The following GRID2 variants were observed in gnomAD, a reference collection of about 807,000 sequenced individuals.
The protein encoded by GRID2 is glutamate ionotropic receptor delta type subunit 2, also known as glutamate receptor ionotropic, delta-2.
Under a neutral mutation model 114.8 loss-of-function variants are expected in GRID2, and 33 were observed. That is an observed-to-expected ratio of 0.29 (90% CI 0.22 to 0.38). The LOEUF is 0.38. Ranked by LOEUF, GRID2 falls within the 10% of genes least tolerant of loss-of-function variation. GRID2 has a pLI of 1.00. For missense variants in GRID2, 1,184 were observed against 1,257.7 expected (o/e 0.94, Z 0.89); for synonymous variants, 505 against 449.9 (o/e 1.12, Z -1.55).
chr4:92,411,643 G>C (rs1560613809), intron 1 of GRID2, among the ~76,000 whole-genome samples: 1 of 95,546 alleles, frequency 1.0e-5, no homozygotes, highest in Admixed American at 9.6e-5. Flanking sequence ...GTGTGTGTGT[G>C]TGTGTGTGTG....
chr4:92,967,649 T>C (rs984715457), intron 2 of GRID2, among the ~76,000 whole-genome samples: 2 of 151,960 alleles, frequency 1.3e-5, no homozygotes, highest in African/African-American at 4.8e-5. Flanking sequence ...AAATTCAAAT[T>C]CAACTGTGAT....
At chr4:92,976,004 T>C in intron 2 of GRID2, among the ~76,000 whole-genome samples, 1 of 152,248 alleles carries the variant, frequency 6.6e-6, no homozygotes, top group East Asian at 1.9e-4. Flanking sequence ...AAGTGCTTTT[T>C]CTTAAGCCAA....
At chr4:93,582,799 A>C (rs2149597140) in intron 13 of GRID2, among the ~76,000 whole-genome samples, 1 of 152,246 alleles carries the variant, frequency 6.6e-6, no homozygotes, top group East Asian at 1.9e-4. Context: ...TAGGTTCTTT[A>C]AAGGGTGAGA....
intron 8 of GRID2, among the ~76,000 whole-genome samples, chr4:93,372,638 G>GGCACAGAAACCATTTT (rs1763039906): frequency 6.6e-6 from 1 of 152,000 alleles, no homozygotes; most frequent in Non-Finnish European, 1.5e-5. Flanking sequence ...AGACATTAGA[G>GGCACAGAAACCATTTT]GCACAGAAAC....
intron 4 of GRID2, among the ~76,000 whole-genome samples, chr4:93,127,152 A>G (rs1391633340): frequency 6.6e-6 from 1 of 152,164 alleles, no homozygotes; most frequent in Non-Finnish European, 1.5e-5. Flanking sequence ...AATTAGGTAG[A>G]TCGTTTGCAT....
At chr4:92,512,639 G>A (rs1015834485) in intron 1 of GRID2, among the ~76,000 whole-genome samples, 7 of 151,790 alleles carry the variant, frequency 4.6e-5, no homozygotes, top group Non-Finnish European at 8.8e-5. Context: ...TAATAATAAA[G>A]CATATTTATT....
At chr4:92,803,643 A>G (rs965706762) in intron 2 of GRID2, among the ~76,000 whole-genome samples, 2 of 151,876 alleles carry the variant, frequency 1.3e-5, no homozygotes, top group Admixed American at 1.3e-4. Flanking sequence ...TTTTCAGAGC[A>G]TTTTATTTTT....
At chr4:92,572,985 T>C (rs1271285735) in intron 1 of GRID2, among the ~76,000 whole-genome samples, 1 of 152,136 alleles carries the variant, frequency 6.6e-6, no homozygotes, top group East Asian at 1.9e-4. Flanking sequence ...TATTTATTAC[T>C]GCCTCAGTTT....
chr4:93,278,238 A>C (rs890434243), intron 8 of GRID2, among the ~76,000 whole-genome samples: 1 of 148,932 alleles, frequency 6.7e-6, no homozygotes, highest in Admixed American at 6.9e-5. Context: ...CCACAGGATA[A>C]TTTGGCTTTG....
intron 2 of GRID2, among the ~76,000 whole-genome samples, chr4:93,072,434 T>C (rs927126615): frequency 2.0e-5 from 3 of 152,110 alleles, no homozygotes; most frequent in African/African-American, 7.2e-5. Context: ...TTTGTACTTA[T>C]TTGCAGGCTA....
intron 8 of GRID2, among the ~76,000 whole-genome samples, chr4:93,388,296 T>G (rs1303016397): frequency 6.6e-6 from 1 of 152,162 alleles, no homozygotes; most frequent in Non-Finnish European, 1.5e-5. Flanking sequence ...AAACCACTGA[T>G]TCTCACATTT....
intron 1 of GRID2, among the ~76,000 whole-genome samples, chr4:92,548,449 T>C (rs1243114949): frequency 7.2e-6 from 1 of 138,386 alleles, no homozygotes; most frequent in Non-Finnish European, 1.5e-5. Flanking sequence ...TCACCCAGAC[T>C]GGAGTTCTGT....
At chr4:92,689,948 G>A (rs1037818312) in intron 2 of GRID2, among the ~76,000 whole-genome samples, 5 of 152,150 alleles carry the variant, frequency 3.3e-5, no homozygotes, top group African/African-American at 1.2e-4. Context: ...TGGCTTAAGG[G>A]ACTGTTGTAA....
intron 1 of GRID2, among the ~76,000 whole-genome samples, chr4:92,545,648 T>C (rs1726212287): frequency 6.6e-6 from 1 of 152,222 alleles, no homozygotes; most frequent in South Asian, 2.1e-4. Flanking sequence ...ATCTGTTTTC[T>C]GTCTCTGTAT....
At chr4:92,467,169 T>C (rs982165989) in intron 1 of GRID2, among the ~76,000 whole-genome samples, 31 of 152,030 alleles carry the variant, frequency 2.0e-4, no homozygotes, top group African/African-American at 7.5e-4. Flanking sequence ...ATTTGAAGTT[T>C]TCAATTTTTC....
intron 2 of GRID2, among the ~76,000 whole-genome samples, chr4:92,858,562 T>G (rs549865802): frequency 3.7e-4 from 57 of 152,288 alleles, no homozygotes; most frequent in African/African-American, 1.3e-3. Flanking sequence ...TTGTTTGTTT[T>G]TTTTCTTTCT....
intron 1 of GRID2, among the ~76,000 whole-genome samples, chr4:92,531,760 C>A (rs1336842592): frequency 6.6e-6 from 1 of 151,396 alleles, no homozygotes; most frequent in Non-Finnish European, 1.5e-5. Flanking sequence ...ATAGCTATGA[C>A]AGATTTTCCT....
intron 2 of GRID2, among the ~76,000 whole-genome samples, chr4:92,914,505 A>G (rs1748633614): frequency 6.6e-6 from 1 of 152,046 alleles, no homozygotes; most frequent in South Asian, 2.1e-4. Flanking sequence ...TGTACAGATT[A>G]TTTCATCACC....
intron 2 of GRID2, among the ~76,000 whole-genome samples, chr4:92,780,009 A>G (rs1738993219): frequency 6.6e-6 from 1 of 152,058 alleles, no homozygotes; most frequent in African/African-American, 2.4e-5. Flanking sequence ...AAGTTAATAG[A>G]GAGAAATGAA....
Sources: gnomAD v4.1 joint callset for allele counts (sites outside exome capture counted in the v4.1 genomes callset) on GRCh38, gnomAD v4.1.1 for gene constraint, MANE v1.5 for transcripts, NCBI Gene and HGNC (gene_info 2026-07-23, HGNC 2026-07-21) for gene names.